The following MRPL19 variants were observed in gnomAD, a reference collection of about 807,000 sequenced individuals.
MRPL19 encodes large ribosomal subunit protein bL19m.
Under a neutral mutation model 34.0 loss-of-function variants are expected in MRPL19, and 31 were observed. The observed-to-expected ratio is 0.91, with a 90% confidence interval of 0.68 to 1.23. MRPL19 has a LOEUF of 1.23. MRPL19 is among the 50% of genes most tolerant of loss of function. MRPL19 has a pLI of 0.00. For missense variants in MRPL19, 384 were observed against 367.6 expected (o/e 1.04, Z -0.37); for synonymous variants, 152 against 127.7 (o/e 1.19, Z -1.28).
At position 75,651,745 on chromosome 2, in the gene MRPL19, A is replaced by C; in HGVS notation, c.222-397A>C. 4 of 255,956 alleles carry C rather than the reference A, an allele frequency of 1.6e-5. No individual in the cohort carries two copies. In the South Asian group the frequency reaches 1.9e-4, roughly 12 times the overall value. The allele number at this position is 255,956 out of a possible 1,614,324, so 15.9% of individuals were successfully genotyped here. On this transcript the variant is annotated intron_variant, in intron 2 of 5. Transcript: ENST00000393909. ...ATAGCTCAGTGTGAGGCCTGTAGTA[A>C]TGGTTATAGGCTTTGGAGACTGACC...
chr2:75,651,191 C>CTT, intron 2 of MRPL19: 1 of 369,442 alleles, frequency 2.7e-6, no homozygotes, highest in South Asian at 2.1e-5. Context: ...ATCCTACTTT[C>CTT]TCTTCAGTTC....
chr2:75,652,825 TA>T (rs1228954112), intron 4 of MRPL19, among the ~76,000 whole-genome samples, 168 bp downstream of exon 4: 4 of 152,148 alleles, frequency 2.6e-5, no homozygotes, highest in African/African-American at 7.2e-5. Flanking sequence ...AGTTAATGAT[TA>T]AATATGGTTG....
Position 75,646,847 on chromosome 2 carries a change from G to A in MRPL19, c.40G>A (p.Gly14Ser). The A allele has an allele frequency of 6.3e-7, 1 of 1,595,516 alleles. No individual in the cohort carries two copies. Among genetic ancestry groups the A allele is most frequent in the Non-Finnish European group, 8.5e-7 (1 of 1,171,588 alleles). Residue 14 changes from glycine to serine, a missense_variant, in exon 1 of 6, where the codon GGC (glycine) becomes AGC (serine). Physicochemically the swap from Gly to Ser is moderately conservative, Grantham distance 56. Coordinates refer to ENST00000393909, the MANE Select transcript of MRPL19 (RefSeq NM_014763.4). ...CIAAGHWAAM[G>S]LGRSFQAART... is the part of the protein sequence containing the mutation. ...TGCAGCGGGGCACTGGGCTGCAATG[G>A]GCCTAGGCCGGAGTTTCCAAGCCGC... is the stretch of plus-strand genomic sequence containing the variant.
intron 1 of MRPL19, 59 bp from the exon 2 acceptor site, chr2:75,647,043 G>C (rs1173091367): frequency 1.3e-6 from 2 of 1,508,904 alleles, no homozygotes; most frequent in East Asian, 4.9e-5. Context: ...AGATTGCGGG[G>C]CTCTGCGGGA....
chr2:75,653,452 A>T (rs75712310), intron 4 of MRPL19, among the ~76,000 whole-genome samples: 1 of 152,362 alleles, frequency 6.6e-6, no homozygotes, highest in East Asian at 1.9e-4. Flanking sequence ...GCATTAAGAT[A>T]GTAATAGTTT....
intron 2 of MRPL19, chr2:75,651,274 A>T (rs1380776285): frequency 1.0e-5 from 5 of 501,026 alleles, no homozygotes; most frequent in Middle Eastern, 4.8e-4. Flanking sequence ...TGGTTCAGGG[A>T]CACGATGTGC....
Position 75,647,157 on chromosome 2 carries a change from G to T in MRPL19, c.159G>T (p.Ala53=). The change falls in exon 2 of 6, where the codon GCG becomes GCT. Residue 53 remains alanine, a synonymous_variant. Coordinates refer to ENST00000393909, the MANE Select transcript of MRPL19 (RefSeq NM_014763.4). ...QQSTGPSEPG[A]FQPPPKPVIV... ...GCACTGGGCCTTCCGAGCCCGGTGCGTTCCAACCGCCGCCGAAACCGGTCA... is the reference window on the plus strand; with the variant it reads ...GCACTGGGCCTTCCGAGCCCGGTGCTTTCCAACCGCCGCCGAAACCGGTCA... The T allele has an allele frequency of 1.9e-6, 3 of 1,577,658 alleles. No homozygotes were observed. Among genetic ancestry groups the T allele is most frequent in the Non-Finnish European group, 1.7e-6 (2 of 1,161,170 alleles).
rs990547454 is a variant in MRPL19, at chr2:75,661,016, A to T, written c.*5731A>T. ...TTTTTTCAAGCATTGCCTACTGCTT[A>T]CGATGAGTGCTCTGTCAATCCTTTA... On this transcript the variant is annotated 3_prime_UTR_variant, in exon 6 of 6. Coordinates refer to ENST00000393909, the MANE Select transcript of MRPL19 (RefSeq NM_014763.4). 2.6e-5 allele frequency: 4 copies of T among 152,174 alleles called. No individual in the cohort carries two copies. Among genetic ancestry groups the T allele is most frequent in the African/African-American group, 9.7e-5 (4 of 41,440 alleles). 9.4% of individuals were successfully genotyped at this position (152,174 alleles called of 1,614,324 possible). A position where few individuals can be genotyped will look rare whatever the true frequency, so the allele number is the denominator to read the frequency against.
Position 75,655,373 on chromosome 2 carries a change from C to A in MRPL19, c.*88C>A. The A allele has an allele frequency of 2.1e-6, 2 of 973,486 alleles. No individual in the cohort carries two copies. Among genetic ancestry groups the A allele is most frequent in the Non-Finnish European group, 3.0e-6 (2 of 657,264 alleles). 60.3% of individuals were successfully genotyped at this position (973,486 alleles called of 1,614,324 possible). ...ACCAATTTAATTTCATTTATAAGAA[C>A]ATAGTAATTAAGTGAACTAAGCATT... is the stretch of plus-strand genomic sequence containing the variant. On this transcript the variant is annotated 3_prime_UTR_variant, in exon 6 of 6. Coordinates refer to ENST00000393909, the MANE Select transcript of MRPL19 (RefSeq NM_014763.4).
rs201633574 is a variant in MRPL19, at chr2:75,652,679, T to C, written c.475+22T>C. 1.2e-5 allele frequency: 19 copies of C among 1,606,092 alleles called. No individual in the cohort carries two copies. In the African/African-American group the frequency reaches 2.4e-4, roughly 20 times the overall value. The stretch of plus-strand genomic sequence containing the variant: ...CAAGGTAAGTTTTATTTCATCATTT[T>C]CATTGTCTAGAAAATGTTATCTCAG... On this transcript the variant is annotated intron_variant, in intron 4 of 5. Transcript: ENST00000393909.
At position 75,652,209 on chromosome 2, in the gene MRPL19, AAAGAT is replaced by A. The variant is rs1332781559; in HGVS notation, c.291_295del (p.Lys97AsnfsTer25). 14 of 1,607,166 alleles carry A rather than the reference AAAGAT, an allele frequency of 8.7e-6. No individual in the cohort carries two copies. Among genetic ancestry groups the A allele is most frequent in the African/African-American group, 1.3e-5 (1 of 74,584 alleles). On this transcript the variant is annotated frameshift_variant, in exon 3 of 6. Coordinates refer to ENST00000393909, the MANE Select transcript of MRPL19 (RefSeq NM_014763.4). LOFTEE classifies it high-confidence loss of function. The stretch of plus-strand genomic sequence containing the variant: ...TCCTCTGAAATTTCAAATAGAAAGA[AAAGAT>A]ATGTTAGAAAGGAGAAAAGTACTCC...
chr2:75,647,258 C>T, intron 2 of MRPL19, 39 bp downstream of exon 2: 2 of 1,538,664 alleles, frequency 1.3e-6, no homozygotes, highest in Non-Finnish European at 1.8e-6. Context: ...CAACTGGGGT[C>T]GGTGCGCGCG....
At chr2:75,650,876 A>G (rs1344465970) in intron 2 of MRPL19, among the ~76,000 whole-genome samples, 1 of 152,188 alleles carries the variant, frequency 6.6e-6, no homozygotes. Context: ...CCCCAGGACT[A>G]CCAAGCTGAT....
Position 75,658,839 on chromosome 2 carries a change from CTCT to C in MRPL19, c.*3556_*3558del, listed in dbSNP as rs763971311. 1.3e-5 allele frequency among the ~76,000 whole-genome samples: 2 copies of C among 152,116 alleles called. No homozygotes were observed. The highest frequency in any genetic ancestry group is 2.1e-4 in the South Asian group (1 of 4,818). On this transcript the variant is annotated 3_prime_UTR_variant, in exon 6 of 6. Coordinates refer to ENST00000393909, the MANE Select transcript of MRPL19 (RefSeq NM_014763.4). ...AGGTGGTTTACAATGTGTTAAGGTT[CTCT>C]TTTTTTAAAAAAATTTTTGCACAGA... is the stretch of plus-strand genomic sequence containing the variant.
chr2:75,652,733 T>G, intron 4 of MRPL19, 76 bp downstream of exon 4: 1 of 1,479,828 alleles, frequency 6.8e-7, no homozygotes, highest in Non-Finnish European at 9.2e-7. Context: ...CATCCTGGGA[T>G]AAGAAATCTG....
Position 75,654,767 on chromosome 2 carries a change from T to A in MRPL19, c.507T>A (p.Pro169=). ...GVEICFELYN[P]RVQEIQVVKL... ...AGATTTGCTTTGAACTTTATAATCC[T>A]CGGGTCCAGGAGATTCAGGTGGTCA... Residue 169 remains proline, a synonymous_variant, in exon 5 of 6, where the codon CCT becomes CCA. Coordinates refer to ENST00000393909, the MANE Select transcript of MRPL19 (RefSeq NM_014763.4). The A allele has an allele frequency of 6.2e-7, 1 of 1,613,798 alleles. No individual in the cohort carries two copies. The highest frequency in any genetic ancestry group is 8.5e-7 in the Non-Finnish European group (1 of 1,179,816).
chr2:75,648,666 T>C (rs1678269269), intron 2 of MRPL19, among the ~76,000 whole-genome samples: 1 of 150,824 alleles, frequency 6.6e-6, no homozygotes, highest in Non-Finnish European at 1.5e-5. Context: ...GAGACCAGCC[T>C]GGCCAACATG....
At chr2:75,651,492 A>G (rs757917) in intron 2 of MRPL19, 232,070 of 518,556 alleles carry the variant, frequency 0.45, 55,202 homozygotes, top group African/African-American at 0.73. Context: ...ATACCATCTC[A>G]GTTACTCTTC....
At position 75,655,355 on chromosome 2, in the gene MRPL19, T is replaced by A; in HGVS notation, c.*70T>A. 1 of 1,092,696 alleles carries A rather than the reference T, an allele frequency of 9.2e-7. No individual in the cohort carries two copies. The highest frequency in any genetic ancestry group is 1.3e-6 in the Non-Finnish European group (1 of 748,878). 67.7% of individuals were successfully genotyped at this position (1,092,696 alleles called of 1,614,324 possible). A position where few individuals can be genotyped will look rare whatever the true frequency, so the allele number is the denominator to read the frequency against. On this transcript the variant is annotated 3_prime_UTR_variant, in exon 6 of 6. Coordinates refer to ENST00000393909, the MANE Select transcript of MRPL19 (RefSeq NM_014763.4). ...AAGAGGATATATTTTGAGACCAATT[T>A]AATTTCATTTATAAGAACATAGTAA... is the stretch of plus-strand genomic sequence containing the variant.
Sources: gnomAD v4.1 joint callset for allele counts (sites outside exome capture counted in the v4.1 genomes callset) on GRCh38, gnomAD v4.1.1 for gene constraint, MANE v1.5 for transcripts, NCBI Gene and HGNC (gene_info 2026-07-23, HGNC 2026-07-21) for gene names.